ANK3: variants seen among roughly 807,000 people sequenced by gnomAD.
ANK3 encodes ankyrin 3, also known as ankyrin-3.
Under a neutral mutation model 370.9 loss-of-function variants are expected in ANK3, and 57 were observed. The observed-to-expected ratio is 0.15, with a 90% confidence interval of 0.12 to 0.19. The LOEUF is 0.19. ANK3 is among the 10% of genes least tolerant of loss of function. The pLI is 1.00. For synonymous variants in ANK3, 1,929 were observed against 1,946.3 expected (o/e 0.99, Z 0.23); for missense variants, 4,439 against 5,302.1 (o/e 0.84, Z 5.06).
At chr10:60,361,145 T>C (rs1340952215) in intron 1 of ANK3, among the ~76,000 whole-genome samples, 1 of 152,228 alleles carries the variant, frequency 6.6e-6, no homozygotes. Flanking sequence ...TTTTTTGAAA[T>C]CTTTCTTCTG....
Position 60,027,027 on chromosome 10 carries a change from A to G in ANK3, c.*2819T>C, listed in dbSNP as rs1313167235. On this transcript the variant is annotated 3_prime_UTR_variant, in exon 44 of 44. Coordinates refer to ENST00000280772, the MANE Select transcript of ANK3 (RefSeq NM_020987.5). ...CACACATATGCAAGTTAAATCTTGA[A>G]TGTCATATTTTGGATACTTCTGAGT... The G allele has an allele frequency of 6.6e-6, 1 of 152,164 alleles. No individual in the cohort carries two copies. The highest frequency in any genetic ancestry group is 1.5e-5 in the Non-Finnish European group (1 of 68,034). 9.4% of individuals were successfully genotyped at this position (152,164 alleles called of 1,614,324 possible). A position where few individuals can be genotyped will look rare whatever the true frequency, so the allele number is the denominator to read the frequency against.
chr10:60,384,735 T>C (rs959169553), intron 1 of ANK3, among the ~76,000 whole-genome samples: 1 of 152,330 alleles, frequency 6.6e-6, no homozygotes, highest in Non-Finnish European at 1.5e-5. Flanking sequence ...CTACCTAGTG[T>C]AGAATAAGTG....
At chr10:60,374,148 T>C (rs899195300) in intron 1 of ANK3, among the ~76,000 whole-genome samples, 7 of 151,946 alleles carry the variant, frequency 4.6e-5, no homozygotes, top group Non-Finnish European at 7.4e-5. Flanking sequence ...CAAGGGATAC[T>C]ACTGGAGCTG....
intron 18 of ANK3, among the ~76,000 whole-genome samples, chr10:60,176,770 T>A (rs1000294835): frequency 1.3e-5 from 2 of 151,782 alleles, no homozygotes; most frequent in Non-Finnish European, 2.9e-5. Flanking sequence ...AAAAAATAAA[T>A]AAATAAATAA....
chr10:60,222,792 C>T lies in ANK3; in HGVS notation c.898-9282G>A, dbSNP rs114091310. ...CTCCGTTGTTTTACTGTCTTGCCCA[C>T]GCCATTTCATGTACCTGAGAGTTCC... On this transcript the variant is annotated intron_variant, in intron 8 of 43. Transcript: ENST00000280772. Among the ~76,000 whole-genome samples, 240 of 152,294 alleles carry T rather than the reference C, an allele frequency of 1.6e-3. 1 individual carries two copies. Among genetic ancestry groups the T allele is most frequent in the African/African-American group, 5.1e-3 (212 of 41,556 alleles).
At chr10:60,412,551 C>A (rs2063581249) in intron 2 of ANK3, among the ~76,000 whole-genome samples, 1 of 152,182 alleles carries the variant, frequency 6.6e-6, no homozygotes, top group South Asian at 2.1e-4. Context: ...CAATTTCTGA[C>A]AACAAATCTC....
chr10:60,502,233 A>G (rs1237431604), intron 2 of ANK3, among the ~76,000 whole-genome samples: 1 of 152,198 alleles, frequency 6.6e-6, no homozygotes, highest in Non-Finnish European at 1.5e-5. Context: ...CTGTAGCAGC[A>G]ACTCTTGGGC....
At chr10:60,560,606 G>T (rs2077312645) in intron 2 of ANK3, among the ~76,000 whole-genome samples, 1 of 152,158 alleles carries the variant, frequency 6.6e-6, no homozygotes, top group South Asian at 2.1e-4. Flanking sequence ...TCAGAACAGG[G>T]AACTTCAAAT....
upstream of ANK3, among the ~76,000 whole-genome samples, chr10:60,390,536 A>G (rs2063003893): frequency 6.6e-6 from 1 of 152,122 alleles, no homozygotes; most frequent in Admixed American, 6.6e-5. Flanking sequence ...AATATTCATT[A>G]TGTGAAGTGA....
In ANK3 at chr10:60,728,420, C is replaced by A. The variant is rs567880344; in HGVS notation, c.57+4843G>T. 5.3e-5 allele frequency among the ~76,000 whole-genome samples: 8 copies of A among 151,352 alleles called. No individual in the cohort carries two copies. The East Asian group carries it at 1.6e-3, about 30-fold the overall frequency. On this transcript the variant is annotated intron_variant, in intron 1 of 43. Coordinates refer to the ANK3 transcript ENST00000373827. ...TTTAAAATAAGATTTTCTGAGAAAA[C>A]GAAATCATTTTTTTAAAAACAATAA...
intron 2 of ANK3, among the ~76,000 whole-genome samples, chr10:60,405,592 A>T (rs1256307703): frequency 6.6e-6 from 1 of 152,208 alleles, no homozygotes; most frequent in African/African-American, 2.4e-5. Flanking sequence ...GCTTTTGCCA[A>T]CATTCATCAA....
intron 18 of ANK3, among the ~76,000 whole-genome samples, chr10:60,173,423 A>G (rs1218279659): frequency 6.6e-6 from 1 of 152,188 alleles, no homozygotes; most frequent in Non-Finnish European, 1.5e-5. Context: ...ATTTTTTATC[A>G]GGTCATCTTG....
At chr10:60,114,194 G>C in intron 26 of ANK3, 31 bp downstream of exon 26, 1 of 1,273,524 alleles carries the variant, frequency 7.9e-7, no homozygotes, top group African/African-American at 1.5e-5. Flanking sequence ...CATGTAGTAG[G>C]ATAATGAAAA....
At chr10:60,146,515 G>A (rs1366493319) in intron 23 of ANK3, among the ~76,000 whole-genome samples, 1 of 152,122 alleles carries the variant, frequency 6.6e-6, no homozygotes, top group African/African-American at 2.4e-5. Context: ...TGGAGACACA[G>A]TCTCACTCTA....
chr10:60,322,270 T>C (rs1702277057), intron 1 of ANK3, among the ~76,000 whole-genome samples: 1 of 152,152 alleles, frequency 6.6e-6, no homozygotes, highest in African/African-American at 2.4e-5. Flanking sequence ...TTAGTACTTC[T>C]GAAAAAGTCT....
At chr10:60,108,306 C>T in intron 27 of ANK3, 1 of 354,464 alleles carries the variant, frequency 2.8e-6, no homozygotes, top group East Asian at 9.1e-5. Flanking sequence ...ATCCATGCAG[C>T]AGAAAGAGAA....
chr10:60,635,879 T>G (rs2078548578), intron 1 of ANK3, among the ~76,000 whole-genome samples: 1 of 152,132 alleles, frequency 6.6e-6, no homozygotes, highest in Non-Finnish European at 1.5e-5. Flanking sequence ...AGGCCAGGGA[T>G]GTCCACAAGC....
chr10:60,528,283 T>C (rs1295852632), intron 2 of ANK3, among the ~76,000 whole-genome samples: 2 of 151,636 alleles, frequency 1.3e-5, no homozygotes, highest in African/African-American at 4.8e-5. Flanking sequence ...ATTACAGGCA[T>C]ACACCACCAT....
chr10:60,244,598 A>T (rs2097525393), intron 7 of ANK3, among the ~76,000 whole-genome samples: 1 of 152,206 alleles, frequency 6.6e-6, no homozygotes, highest in African/African-American at 2.4e-5. Context: ...TACATTTAAA[A>T]CACATACATT....
Sources: gnomAD v4.1 joint callset for allele counts (sites outside exome capture counted in the v4.1 genomes callset) on GRCh38, gnomAD v4.1.1 for gene constraint, MANE v1.5 for transcripts, NCBI Gene and HGNC (gene_info 2026-07-23, HGNC 2026-07-21) for gene names.